The following GDA variants were observed in gnomAD, a reference collection of about 807,000 sequenced individuals.
GDA encodes cytoplasmic PSD-95 interactor.
GDA carries 18 observed loss-of-function variants against 59.6 expected under a neutral mutation model. The observed-to-expected ratio is 0.30, with a 90% CI of 0.21 to 0.45. GDA has a LOEUF of 0.45. Ranked by LOEUF, GDA falls within the 20% of genes least tolerant of loss-of-function variation. The pLI is 1.00. For synonymous variants in GDA, 201 were observed against 201.1 expected, an observed-to-expected ratio of 1.00 and a Z score of 0.00; for missense variants, 427 against 552.3, an observed-to-expected ratio of 0.77 and a Z score of 2.27.
At chr9:72,179,270 T>C (rs1414567693) in intron 1 of GDA, among the ~76,000 whole-genome samples, 1 of 152,238 alleles carries the variant, frequency 6.6e-6, no homozygotes, top group African/African-American at 2.4e-5. Flanking sequence ...CCACTCTGGT[T>C]ACCCTACCAA....
rs78032851 is a variant in GDA, at chr9:72,248,038, A to C, written c.1295-234A>C. Among the ~76,000 whole-genome samples the C allele has an allele frequency of 4.5e-4, 68 of 152,292 alleles. No individual in the cohort carries two copies. In the East Asian group the frequency reaches 0.011, roughly 24 times the overall value. On this transcript the variant is annotated intron_variant, in intron 13 of 13. Coordinates refer to ENST00000358399, the MANE Select transcript of GDA (RefSeq NM_004293.5). ...AGCTATAGGGGGTTGATTCAACTTT[A>C]TGTGATTTCTGCCTCTGGTGCAGAA... is the stretch of plus-strand genomic sequence containing the variant.
chr9:72,118,759 T>C (rs1825557468), intron 1 of GDA, among the ~76,000 whole-genome samples: 1 of 152,210 alleles, frequency 6.6e-6, no homozygotes, highest in Non-Finnish European at 1.5e-5. Flanking sequence ...TTGATGAGCA[T>C]GTAAAGAAAT....
chr9:72,224,809 CTTTTT>C (rs34656645), intron 7 of GDA, among the ~76,000 whole-genome samples: 1 of 135,986 alleles, frequency 7.4e-6, no homozygotes, highest in Non-Finnish European at 1.6e-5. Flanking sequence ...TAGCCCAACC[CTTTTT>C]TTTTTTTTTT....
intron 11 of GDA, among the ~76,000 whole-genome samples, chr9:72,243,298 T>G (rs1458011886): frequency 6.6e-6 from 1 of 152,202 alleles, no homozygotes; most frequent in Non-Finnish European, 1.5e-5. Flanking sequence ...TGAAAAGAAT[T>G]GTGTCTTTTT....
At position 72,191,564 on chromosome 9, in the gene GDA, C is replaced by T. The variant is rs183495613; in HGVS notation, c.124-3936C>T. On this transcript the variant is annotated intron_variant, in intron 1 of 13. Coordinates refer to ENST00000358399, the MANE Select transcript of GDA (RefSeq NM_004293.5). ...TTGGCTCACTGCAAGCTCCGCCTCCCGGGTTCACGCCATTCTCCTGCCTCA... is the reference window on the plus strand; with the variant it reads ...TTGGCTCACTGCAAGCTCCGCCTCCTGGGTTCACGCCATTCTCCTGCCTCA... Among the ~76,000 whole-genome samples the T allele has an allele frequency of 1.2e-3, 182 of 151,724 alleles. 1 individual carries two copies. The highest frequency in any genetic ancestry group is 3.5e-3 in the African/African-American group (143 of 41,328).
chr9:72,257,418 T>A (rs1032293572), downstream of GDA: 5 of 152,252 alleles, frequency 3.3e-5, no homozygotes, highest in African/African-American at 1.2e-4. Flanking sequence ...GAGTACATTC[T>A]TTAGAGATAG....
intron 1 of GDA, among the ~76,000 whole-genome samples, chr9:72,128,456 T>C (rs1825920901): frequency 1.3e-5 from 2 of 152,208 alleles, no homozygotes; most frequent in South Asian, 4.1e-4. Context: ...TTAAAATAAC[T>C]ACTATCATTT....
chr9:72,140,935 A>T (rs1028816045), intron 1 of GDA, among the ~76,000 whole-genome samples: 25 of 152,262 alleles, frequency 1.6e-4, no homozygotes, highest in African/African-American at 6.0e-4. Context: ...AGGCAGGAGG[A>T]TCGCTTGAGG....
chr9:72,209,886 A>G (rs1835152758), intron 3 of GDA, among the ~76,000 whole-genome samples: 1 of 152,130 alleles, frequency 6.6e-6, no homozygotes. Context: ...TATTCTGGGG[A>G]AAATGACTGA....
At chr9:72,155,224 C>T (rs1052614683) in intron 1 of GDA, among the ~76,000 whole-genome samples, 4 of 151,982 alleles carry the variant, frequency 2.6e-5, no homozygotes, top group Non-Finnish European at 4.4e-5. Context: ...TCTTACATGG[C>T]GGCAGCAAGA....
intron 1 of GDA, among the ~76,000 whole-genome samples, chr9:72,161,017 C>T (rs1038517350): frequency 3.3e-5 from 5 of 152,138 alleles, no homozygotes; most frequent in African/African-American, 1.2e-4. Context: ...AGCAATTCTC[C>T]ACCCGCCACC....
intron 1 of GDA, among the ~76,000 whole-genome samples, chr9:72,149,899 G>A (rs968727106): frequency 1.3e-5 from 2 of 152,224 alleles, no homozygotes; most frequent in African/African-American, 4.8e-5. Context: ...GGGAGCAGTG[G>A]CGTGCTAACG....
intron 3 of GDA, among the ~76,000 whole-genome samples, chr9:72,208,749 G>T (rs974905392): frequency 1.3e-5 from 2 of 152,040 alleles, no homozygotes; most frequent in Non-Finnish European, 2.9e-5. Context: ...ATTTACCAAG[G>T]TATAAAATTA....
At position 72,118,451 on chromosome 9, in the gene GDA, C is replaced by T. The variant is rs557478515; in HGVS notation, c.-100+3618C>T. 6.6e-5 allele frequency among the ~76,000 whole-genome samples: 10 copies of T among 152,022 alleles called. 1 individual carries two copies. The South Asian group carries it at 1.9e-3, about 28-fold the overall frequency. On this transcript the variant is annotated intron_variant, in intron 1 of 13. Coordinates refer to the GDA transcript ENST00000545168. ...ATACTTACAGTGCTATAAAGGCAAG[C>T]GAACTCTAAAGTCACACTATAAATA...
intron 2 of GDA, among the ~76,000 whole-genome samples, chr9:72,197,020 T>C (rs80095130): frequency 0.026 from 4,030 of 152,318 alleles, 180 homozygotes; most frequent in African/African-American, 0.091. Context: ...GAAAACACTT[T>C]GATAACTTGG....
chr9:72,198,443 G>A (rs557802474), intron 2 of GDA, among the ~76,000 whole-genome samples: 155 of 151,814 alleles, frequency 1.0e-3, no homozygotes, highest in Non-Finnish European at 1.7e-3. Context: ...GGAGGCTGAT[G>A]CAGGAGAATG....
chr9:72,218,492 C>T (rs531559698), intron 5 of GDA, among the ~76,000 whole-genome samples: 11 of 152,282 alleles, frequency 7.2e-5, no homozygotes, highest in African/African-American at 2.6e-4. Context: ...AACCTTAATT[C>T]TCATTTTGTT....
intron 9 of GDA, 125 bp from the exon 10 acceptor site, chr9:72,230,989 G>A (rs1316406177): frequency 1.4e-6 from 1 of 710,152 alleles, no homozygotes; most frequent in Non-Finnish European, 2.6e-6. Flanking sequence ...ATATGTTTGT[G>A]TCAACATTAG....
At chr9:72,154,126 A>G (rs1827601157) in intron 1 of GDA, among the ~76,000 whole-genome samples, 1 of 152,148 alleles carries the variant, frequency 6.6e-6, no homozygotes, top group Admixed American at 6.5e-5. Context: ...TTTAATGCAC[A>G]CTTACCCAGA....
Sources: allele counts gnomAD v4.1 joint callset (sites outside exome capture counted in the v4.1 genomes callset), GRCh38; gene constraint gnomAD v4.1.1; transcripts MANE v1.5; gene names NCBI Gene and HGNC (gene_info 2026-07-23, HGNC 2026-07-21).